OVOL2: variants seen among roughly 807,000 people sequenced by gnomAD.
The protein encoded by OVOL2 is transcription factor Ovo-like 2.
Under a neutral mutation model 18.1 loss-of-function variants are expected in OVOL2, and 13 were observed. The ratio of observed to expected loss-of-function variants is 0.72; its 90% confidence interval spans 0.47 to 1.14. OVOL2 has a LOEUF of 1.14. Ranked by LOEUF, OVOL2 falls within the 50% of genes most tolerant of loss-of-function variation. The probability of loss-of-function intolerance (pLI) is 0.00; values close to 1 mark genes in which losing one functional copy is unlikely to be tolerated. For synonymous variants in OVOL2, 166 were observed against 162.7 expected, an observed-to-expected ratio of 1.02 and a Z score of -0.16; for missense variants, 335 against 383.0, an observed-to-expected ratio of 0.87 and a Z score of 1.05.
chr20:18,026,801 T>C (rs1644383619), intron 3 of OVOL2, among the ~76,000 whole-genome samples: 1 of 152,038 alleles, frequency 6.6e-6, no homozygotes, highest in African/African-American at 2.4e-5. Flanking sequence ...GGTAAGGTAG[T>C]GGCAGGGCAG....
At position 18,041,480 on chromosome 20, in the gene OVOL2, G is replaced by C. The variant is rs776848410; in HGVS notation, c.511+54C>G. On this transcript the variant is annotated intron_variant, in intron 3 of 3. Coordinates refer to ENST00000278780, the MANE Select transcript of OVOL2 (RefSeq NM_021220.4). ...TGGTTTTTTGGTGGGAAAGAAACAG[G>C]AGCTCTTGGCCAGAATAACAAAACA... The C allele has an allele frequency of 1.9e-4, 297 of 1,561,028 alleles. 1 individual carries two copies. In the Middle Eastern group the frequency reaches 2.6e-3, roughly 13 times the overall value.
intron 3 of OVOL2, among the ~76,000 whole-genome samples, chr20:18,032,363 AAG>A (rs1032380645): frequency 1.6e-5 from 2 of 128,290 alleles, no homozygotes; most frequent in Non-Finnish European, 3.0e-5. Context: ...GAAAAGAAAA[AAG>A]AAGGAAGGGA....
At chr20:18,035,031 C>T (rs79973349) in intron 3 of OVOL2, among the ~76,000 whole-genome samples, 18,416 of 152,198 alleles carry the variant, frequency 0.12, 1,217 homozygotes, top group Middle Eastern at 0.16. Context: ...TGCAAACAAA[C>T]ATACCCCTCA....
intron 2 of OVOL2, among the ~76,000 whole-genome samples, chr20:18,055,141 G>C (rs934348361): frequency 6.6e-6 from 1 of 152,024 alleles, no homozygotes; most frequent in Non-Finnish European, 1.5e-5. Flanking sequence ...ATTGGTTTAC[G>C]TCTTCCTTTA....
rs952631766 is a variant in OVOL2 at position 18,056,942 on chromosome 20, T to A, written c.101-65A>T. 7.1e-7 allele frequency: 1 copy of A among 1,405,912 alleles called. No individual in the cohort carries two copies. Among genetic ancestry groups the A allele is most frequent in the Non-Finnish European group, 9.2e-7 (1 of 1,089,708 alleles). 87.1% of individuals were successfully genotyped at this position (1,405,912 alleles called of 1,614,324 possible). A position where few individuals can be genotyped will look rare whatever the true frequency, so the allele number is the denominator to read the frequency against. ...CGTCAACCCGCACGCCCGCGGCAGTTTGACCTGCGGGCGGTGCTGCCGCCG... is the reference window on the plus strand; with the variant it reads ...CGTCAACCCGCACGCCCGCGGCAGTATGACCTGCGGGCGGTGCTGCCGCCG... On this transcript the variant is annotated intron_variant, in intron 1 of 3. Coordinates refer to ENST00000278780, the MANE Select transcript of OVOL2 (RefSeq NM_021220.4). This position sits in a 1 kb window ranked among gnomAD's most constrained non-coding sequence, Gnocchi z 4.2.
chr20:18,027,706 C>T (rs956120150), intron 3 of OVOL2, among the ~76,000 whole-genome samples: 5 of 151,728 alleles, frequency 3.3e-5, no homozygotes, highest in Non-Finnish European at 7.4e-5. Flanking sequence ...CATCATTCTC[C>T]GGCCTCAGCC....
chr20:18,026,495 C>A (rs1033221656), intron 3 of OVOL2, among the ~76,000 whole-genome samples: 1 of 151,654 alleles, frequency 6.6e-6, no homozygotes, highest in African/African-American at 2.4e-5. Context: ...CATTCTCCTG[C>A]CTCAGCCTCC....
chr20:18,041,697 C>G lies in OVOL2; in HGVS notation c.348G>C (p.Ser116=). 6.2e-7 allele frequency: 1 copy of G among 1,613,464 alleles called. No individual in the cohort carries two copies. The highest frequency in any genetic ancestry group is 1.3e-5 in the African/African-American group (1 of 74,956). Residue 116 remains serine (S), a synonymous_variant, in exon 3 of 4, where the codon TCG becomes TCC. Transcript: ENST00000278780. ...IKFTTGTCSD[S]VVHSCDLCGK... ...CACACAGGTCACAGCTGTGAACCAC[C>G]GAGTCGCTGCACGTGCCTGTGGTGA...
At chr20:18,025,977 A>G (rs1458045571) in intron 3 of OVOL2, among the ~76,000 whole-genome samples, 3 of 152,262 alleles carry the variant, frequency 2.0e-5, no homozygotes, top group Non-Finnish European at 4.4e-5. Context: ...GTGCCCAGAA[A>G]TGGCAGATGC....
chr20:18,036,219 G>GT (rs1432836266), intron 3 of OVOL2, among the ~76,000 whole-genome samples: 2 of 152,046 alleles, frequency 1.3e-5, no homozygotes, highest in Non-Finnish European at 2.9e-5. Context: ...CTTGAACCCG[G>GT]GAGGCAGAGG....
chr20:18,029,935 G>A (rs527765094), intron 3 of OVOL2, among the ~76,000 whole-genome samples: 66 of 152,240 alleles, frequency 4.3e-4, no homozygotes, highest in African/African-American at 1.4e-3. Context: ...AGCCATGATC[G>A]CACCACTGCA....
rs1385102614 is a variant in OVOL2 at position 18,057,346 on chromosome 20, G to C, written c.100+189C>G. ...TAGAGGCTCCCACTACGGGGAAGGG[G>C]GCGCCTAGAGTCTGGGGCATCCCAG... On this transcript the variant is annotated intron_variant, in intron 1 of 3. Transcript: ENST00000278780. This position sits in a 1 kb window ranked among gnomAD's most constrained non-coding sequence, Gnocchi z 6.3. Among the ~76,000 whole-genome samples, 1 of 152,290 alleles carries C rather than the reference G, an allele frequency of 6.6e-6. No homozygotes were observed. Among genetic ancestry groups the C allele is most frequent in the African/African-American group, 2.4e-5 (1 of 41,568 alleles).
Position 18,053,926 on chromosome 20 carries a change from C to T in OVOL2, c.321+2731G>A, listed in dbSNP as rs148156310. Among the ~76,000 whole-genome samples, 161 of 152,262 alleles carry T rather than the reference C, an allele frequency of 1.1e-3. 1 individual carries two copies. The highest frequency in any genetic ancestry group is 3.5e-3 in the African/African-American group (144 of 41,550). On this transcript the variant is annotated intron_variant, in intron 2 of 3. Transcript: ENST00000278780. ...CCAGAGCTTCATCCTTTCTATGCTC[C>T]AGCTGCGGGACTCAGCCCACACTGC...
At chr20:18,043,647 C>T (rs1600446154) in intron 2 of OVOL2, among the ~76,000 whole-genome samples, 1 of 152,166 alleles carries the variant, frequency 6.6e-6, no homozygotes, top group African/African-American at 2.4e-5. Context: ...CCCACGAAAT[C>T]ATAAACGCAT....
intron 2 of OVOL2, among the ~76,000 whole-genome samples, chr20:18,052,014 A>G (rs942567012): frequency 2.0e-5 from 3 of 152,160 alleles, no homozygotes; most frequent in South Asian, 2.1e-4. Context: ...TGCTGGGATT[A>G]CAGGCATGAG....
At chr20:18,035,846 A>G (rs756570116) in intron 3 of OVOL2, among the ~76,000 whole-genome samples, 3 of 152,216 alleles carry the variant, frequency 2.0e-5, no homozygotes, top group Non-Finnish European at 4.4e-5. Context: ...GTGCCATCCA[A>G]TAGAAATTAA....
At chr20:18,050,569 C>G (rs533929347) in intron 2 of OVOL2, 15 of 152,342 alleles carry the variant, frequency 9.8e-5, no homozygotes, top group African/African-American at 3.6e-4. Context: ...CACCTATATT[C>G]AAGTTTAACA....
At chr20:18,031,909 T>C (rs2036573699) in intron 3 of OVOL2, among the ~76,000 whole-genome samples, 1 of 152,214 alleles carries the variant, frequency 6.6e-6, no homozygotes, top group Admixed American at 6.5e-5. Flanking sequence ...ATTCTACACT[T>C]TGGAACTTTC....
intron 2 of OVOL2, among the ~76,000 whole-genome samples, chr20:18,054,289 C>T (rs1401571429): frequency 1.3e-5 from 2 of 152,200 alleles, no homozygotes; most frequent in Non-Finnish European, 2.9e-5. Flanking sequence ...TGATTAACCG[C>T]TACTGCCAGA....
Sources: gnomAD v4.1 joint callset for allele counts (sites outside exome capture counted in the v4.1 genomes callset) on GRCh38, gnomAD v4.1.1 for gene constraint, Gnocchi (gnomAD v3.1) non-coding constraint, MANE v1.5 for transcripts, NCBI Gene and HGNC (gene_info 2026-07-23, HGNC 2026-07-21) for gene names.